The following CDKAL1 variants were observed in gnomAD, a reference collection of about 807,000 sequenced individuals.
CDKAL1 encodes the protein threonylcarbamoyladenosine tRNA methylthiotransferase.
Under a neutral mutation model 68.2 loss-of-function variants are expected in CDKAL1, and 32 were observed. The ratio of observed to expected loss-of-function variants is 0.47; its 90% CI spans 0.35 to 0.63. The LOEUF is 0.63. Among genes scored for constraint, CDKAL1 ranks in the 30% least tolerant of loss-of-function variants. The pLI, the probability that CDKAL1 is intolerant of heterozygous loss-of-function variation, is 0.00. For missense variants in CDKAL1, 606 were observed against 696.7 expected, an observed-to-expected ratio of 0.87 and a Z score of 1.47; for synonymous variants, 234 against 244.3, an observed-to-expected ratio of 0.96 and a Z score of 0.39.
chr6:20,916,484 A>G (rs1401912846), intron 9 of CDKAL1, among the ~76,000 whole-genome samples: 2 of 152,226 alleles, frequency 1.3e-5, no homozygotes, highest in Non-Finnish European at 1.5e-5. Context: ...ACAAGAGTAT[A>G]GCACTGAAGC....
At chr6:21,193,300 T>A (rs1278629884) in intron 13 of CDKAL1, among the ~76,000 whole-genome samples, 1 of 152,034 alleles carries the variant, frequency 6.6e-6, no homozygotes, top group African/African-American at 2.4e-5. Context: ...ATTTACTGTT[T>A]AAAAAGAGAG....
At chr6:20,794,651 A>G (rs1776037913) in intron 8 of CDKAL1, among the ~76,000 whole-genome samples, 1 of 152,080 alleles carries the variant, frequency 6.6e-6, no homozygotes. Context: ...GCTAGAAAGG[A>G]TTTTAGAGAT....
intron 4 of CDKAL1, among the ~76,000 whole-genome samples, chr6:20,608,894 G>C (rs1388895600): frequency 1.3e-5 from 2 of 152,214 alleles, no homozygotes; most frequent in Non-Finnish European, 2.9e-5. Context: ...ACTGCAGCTG[G>C]CATAATAAGA....
At chr6:20,809,744 G>A (rs1017924755) in intron 8 of CDKAL1, among the ~76,000 whole-genome samples, 1 of 152,160 alleles carries the variant, frequency 6.6e-6, no homozygotes, top group Non-Finnish European at 1.5e-5. Flanking sequence ...TCAAAGATGA[G>A]TTGCTCTACT....
At chr6:20,660,393 C>T (rs758217123) in intron 5 of CDKAL1, among the ~76,000 whole-genome samples, 5 of 152,166 alleles carry the variant, frequency 3.3e-5, no homozygotes, top group South Asian at 2.1e-4. Context: ...CATTTGTCAA[C>T]GGTTGTAAGA....
At position 20,966,575 on chromosome 6, in the gene CDKAL1, A is replaced by AG. The variant is rs537278764; in HGVS notation, c.909+10996dup. ...AGATCCCCAATTATTCATTAGTTTGAGGGGGGAAATGGTTTCTGTTTATAA... is the reference window on the plus strand; with the variant it reads ...AGATCCCCAATTATTCATTAGTTTGAGGGGGGGAAATGGTTTCTGTTTATAA... On this transcript the variant is annotated intron_variant, in intron 10 of 15. Coordinates refer to ENST00000274695, the MANE Select transcript of CDKAL1 (RefSeq NM_017774.3). 3.9e-4 allele frequency among the ~76,000 whole-genome samples: 60 copies of AG among 152,256 alleles called. 1 individual carries two copies. Among genetic ancestry groups the AG allele is most frequent in the African/African-American group, 1.3e-3 (54 of 41,552 alleles).
chr6:20,884,868 T>C (rs1026619469), intron 9 of CDKAL1, among the ~76,000 whole-genome samples: 5 of 152,178 alleles, frequency 3.3e-5, no homozygotes, highest in African/African-American at 4.8e-5. Flanking sequence ...AGCACATGCA[T>C]GTAGTCCCAG....
intron 15 of CDKAL1, among the ~76,000 whole-genome samples, chr6:21,218,426 G>A (rs1180817964): frequency 1.3e-5 from 2 of 152,232 alleles, no homozygotes. Context: ...CACAGTTTCT[G>A]TGGGTCAGAA....
chr6:21,083,117 C>T (rs561788320), intron 12 of CDKAL1, among the ~76,000 whole-genome samples: 18 of 152,090 alleles, frequency 1.2e-4, no homozygotes, highest in African/African-American at 3.9e-4. Context: ...CCACTTGCTT[C>T]GGCCTCCCAA....
At chr6:20,700,310 G>T (rs185473686) in intron 5 of CDKAL1, among the ~76,000 whole-genome samples, 155 of 150,546 alleles carry the variant, frequency 1.0e-3, no homozygotes, top group African/African-American at 3.7e-3. Flanking sequence ...AGCTGAGATT[G>T]CACCATTGCA....
intron 4 of CDKAL1, among the ~76,000 whole-genome samples, chr6:20,608,840 CTTTGTT>C (rs1042133062): frequency 5.9e-5 from 9 of 152,082 alleles, no homozygotes; most frequent in Admixed American, 5.9e-4. Flanking sequence ...GCATGATATG[CTTTGTT>C]TTTAAGGCTC....
intron 12 of CDKAL1, among the ~76,000 whole-genome samples, chr6:21,070,492 A>T (rs895883648): frequency 4.0e-5 from 6 of 149,168 alleles, no homozygotes; most frequent in Non-Finnish European, 8.9e-5. Flanking sequence ...ATATCCACAG[A>T]TCTTTATGAG....
intron 9 of CDKAL1, among the ~76,000 whole-genome samples, chr6:20,951,432 C>G (rs1581899716): frequency 6.6e-6 from 1 of 152,124 alleles, no homozygotes; most frequent in Non-Finnish European, 1.5e-5. Context: ...TATTATCAAA[C>G]TTTTAGGTCT....
chr6:21,107,987 C>T (rs1276688479), intron 12 of CDKAL1, among the ~76,000 whole-genome samples: 2 of 152,216 alleles, frequency 1.3e-5, no homozygotes, highest in African/African-American at 4.8e-5. Context: ...GGAGGTGTAT[C>T]GTTTAAATGA....
At position 21,006,172 on chromosome 6, in the gene CDKAL1, A is replaced by G. The variant is rs184380376; in HGVS notation, c.1055+5800A>G. Among the ~76,000 whole-genome samples the G allele has an allele frequency of 3.6e-3, 545 of 152,270 alleles. 2 individuals are homozygous for G. Among genetic ancestry groups the G allele is most frequent in the Middle Eastern group, 0.02 (6 of 294 alleles). The stretch of plus-strand genomic sequence containing the variant: ...TAGTCCTGGTCATTCATGTGTGCTT[A>G]TTGGAACACAATCTGATAAAGCTAT... On this transcript the variant is annotated intron_variant, in intron 11 of 15. Transcript: ENST00000274695.
chr6:21,039,231 G>A (rs910220963), intron 11 of CDKAL1, among the ~76,000 whole-genome samples: 2 of 152,144 alleles, frequency 1.3e-5, no homozygotes, highest in African/African-American at 2.4e-5. Flanking sequence ...TAGGTTGCAC[G>A]TTCCTTATGA....
chr6:20,834,558 A>AT (rs1192532665), intron 8 of CDKAL1, among the ~76,000 whole-genome samples: 2 of 152,082 alleles, frequency 1.3e-5, no homozygotes, highest in Non-Finnish European at 2.9e-5. Flanking sequence ...GACTTTTAGC[A>AT]TTTGGGGGTT....
chr6:20,633,060 A>T (rs1430095130), intron 4 of CDKAL1, among the ~76,000 whole-genome samples: 1 of 152,114 alleles, frequency 6.6e-6, no homozygotes, highest in Non-Finnish European at 1.5e-5. Context: ...TTGTTTTTTA[A>T]CAGCTGTATT....
chr6:21,230,925 T>C lies in CDKAL1; in HGVS notation c.1626T>C (p.Ser542=). 6.2e-7 allele frequency: 1 copy of C among 1,614,120 alleles called. No homozygotes were observed. The highest frequency in any genetic ancestry group is 1.1e-5 in the South Asian group (1 of 91,076). The part of the protein sequence containing the change: ...TSAASQCDSA[S]SRMVLPMPRL... Reference sequence around the variant, plus strand: ...CTGCATCTCAGTGTGACTCAGCGAGTTCCAGAATGGTGCTGCCCATGCCAA... The same window carrying C: ...CTGCATCTCAGTGTGACTCAGCGAGCTCCAGAATGGTGCTGCCCATGCCAA... Residue 542 remains serine (S), a synonymous_variant, in exon 16 of 16, where the codon AGT becomes AGC. Coordinates refer to ENST00000274695, the MANE Select transcript of CDKAL1 (RefSeq NM_017774.3).
Sources: gnomAD v4.1 joint callset for allele counts (sites outside exome capture counted in the v4.1 genomes callset) on GRCh38, gnomAD v4.1.1 for gene constraint, MANE v1.5 for transcripts, NCBI Gene and HGNC (gene_info 2026-07-23, HGNC 2026-07-21) for gene names.